Variants in RAB3GAP1 observed in about 807,000 individuals in gnomAD.
RAB3GAP1 encodes the protein RAB3 GTPase activating protein catalytic subunit 1, also known as rab3 GTPase-activating protein catalytic subunit.
Under a neutral mutation model 130.7 loss-of-function variants are expected in RAB3GAP1, and 86 were observed. That is an observed-to-expected ratio of 0.66 (90% CI 0.55 to 0.79). The LOEUF is 0.79. Among genes scored for constraint, RAB3GAP1 ranks in the 30% least tolerant of loss-of-function variants. The pLI, the probability that RAB3GAP1 is intolerant of heterozygous loss-of-function variation, is 0.00. For missense variants in RAB3GAP1, 1,029 were observed against 1,169.4 expected (o/e 0.88, Z 1.75); for synonymous variants, 367 against 401.7 (o/e 0.91, Z 1.03).
chr2:135,148,202 A>C (rs778911654), intron 17 of RAB3GAP1, among the ~76,000 whole-genome samples: 1 of 152,192 alleles, frequency 6.6e-6, no homozygotes, highest in Non-Finnish European at 1.5e-5. Context: ...GTGTACTTAT[A>C]TGAAATGGTT....
chr2:135,135,734 G>A lies in RAB3GAP1; in HGVS notation c.1725G>A (p.Trp575Ter). 6.2e-7 allele frequency: 1 copy of A among 1,613,930 alleles called. No homozygotes were observed. ...DKEKGEVGKS[W>*]DSWSDSEEEF... ...AAAAGGGAGAGGTAGGAAAATCTTGGGATTCCTGGAGTGACAGCGAAGAAG... is the reference window on the plus strand; with the variant it reads ...AAAAGGGAGAGGTAGGAAAATCTTGAGATTCCTGGAGTGACAGCGAAGAAG... Residue 575 changes from tryptophan to a stop codon, truncating the protein, a stop_gained, in exon 17 of 24, where the codon TGG becomes TGA. Coordinates refer to ENST00000264158, the MANE Select transcript of RAB3GAP1 (RefSeq NM_012233.3). LOFTEE classifies it high-confidence loss of function.
rs548753620 is a variant in RAB3GAP1 at position 135,143,667 on chromosome 2, C to T, written c.1924-6702C>T. Among the ~76,000 whole-genome samples, 24 of 150,734 alleles carry T rather than the reference C, an allele frequency of 1.6e-4. No homozygotes were observed. In the South Asian group the frequency reaches 4.8e-3, roughly 30 times the overall value. ...CCGCTTCCCAGGTTCATGCCATTGT[C>T]CTGCCTCAGCCTCCTGAGTAGCTGG... On this transcript the variant is annotated intron_variant, in intron 17 of 23. Transcript: ENST00000264158.
In RAB3GAP1 at chr2:135,165,754, G is replaced by A. The variant is rs540206314; in HGVS notation, c.2709+1058G>A. 1.4e-4 allele frequency among the ~76,000 whole-genome samples: 21 copies of A among 152,246 alleles called. No homozygotes were observed. The South Asian group carries it at 4.2e-3, about 30-fold the overall frequency. ...TCTCTCTGGCATGAAAACAAGAACC[G>A]AGTTTGGTTCCACATCTGATAATAT... On this transcript the variant is annotated intron_variant, in intron 23 of 23. Coordinates refer to ENST00000264158, the MANE Select transcript of RAB3GAP1 (RefSeq NM_012233.3).
chr2:135,096,408 G>A (rs1690292098), intron 5 of RAB3GAP1, among the ~76,000 whole-genome samples: 1 of 152,078 alleles, frequency 6.6e-6, no homozygotes, highest in Non-Finnish European at 1.5e-5. Flanking sequence ...TGCAAATGCA[G>A]GTAAACGGGA....
intron 3 of RAB3GAP1, among the ~76,000 whole-genome samples, chr2:135,060,694 T>C (rs532569465): frequency 4.7e-4 from 71 of 151,786 alleles, no homozygotes; most frequent in African/African-American, 1.7e-3. Context: ...TCATCTGCTA[T>C]TATTATTATT....
At chr2:135,115,064 G>A (rs962844991) in intron 6 of RAB3GAP1, 152 bp from the exon 7 acceptor site, 9 of 639,916 alleles carry the variant, frequency 1.4e-5, no homozygotes, top group African/African-American at 7.3e-5. Flanking sequence ...AACTAAGAAT[G>A]TCTTTGTTAT....
At position 135,057,945 on chromosome 2, in the gene RAB3GAP1, G is replaced by T. The variant is rs938226790; in HGVS notation, c.75-66G>T. 14 of 1,156,530 alleles carry T rather than the reference G, an allele frequency of 1.2e-5. No homozygotes were observed. The African/African-American group carries it at 1.5e-4, about 13-fold the overall frequency. The allele number at this position is 1,156,530 out of a possible 1,614,324, so 71.6% of individuals were successfully genotyped here. On this transcript the variant is annotated intron_variant, in intron 2 of 23. Coordinates refer to ENST00000264158, the MANE Select transcript of RAB3GAP1 (RefSeq NM_012233.3). ...AAAATATAAAAAATACCTTTTTAAA[G>T]AAATTACATAATAATAGGAAAAAAG... is the stretch of plus-strand genomic sequence containing the variant.
At chr2:135,113,620 C>G (rs1000520839) in intron 6 of RAB3GAP1, among the ~76,000 whole-genome samples, 2 of 152,210 alleles carry the variant, frequency 1.3e-5, no homozygotes, top group East Asian at 3.8e-4. Context: ...CAAGCTGTTT[C>G]TGTACCTTAC....
chr2:135,142,049 G>GA (rs1331630268), intron 17 of RAB3GAP1, among the ~76,000 whole-genome samples: 1 of 152,098 alleles, frequency 6.6e-6, no homozygotes, highest in Non-Finnish European at 1.5e-5. Flanking sequence ...ATCAATTTGA[G>GA]AATCAGCTTG....
chr2:135,068,281 A>G lies in RAB3GAP1; in HGVS notation c.150+10195A>G, dbSNP rs115774072. Among the ~76,000 whole-genome samples the G allele has an allele frequency of 2.2e-4, 34 of 152,204 alleles. 1 individual carries two copies. The highest frequency in any genetic ancestry group is 3.3e-4 in the Admixed American group (5 of 15,290). On this transcript the variant is annotated intron_variant, in intron 3 of 23. Coordinates refer to ENST00000264158, the MANE Select transcript of RAB3GAP1 (RefSeq NM_012233.3). ...TATCTTTTTAGACATTTTTAGTTCT[A>G]TTATTTCCTAATTCTTTTATATATT...
chr2:135,132,961 C>T lies in RAB3GAP1; in HGVS notation c.1303C>T (p.Pro435Ser). The T allele has an allele frequency of 6.4e-7, 1 of 1,568,990 alleles. No homozygotes were observed. The highest frequency in any genetic ancestry group is 1.1e-5 in the South Asian group (1 of 90,150). ...AACTACTTCAACAGATAATAATAAT[C>T]CTCCATCAGAGAGTGAAGACTATGT... Reference protein sequence around the residue: ...DGTTSTDNNNPPSESEDYNLY... With the variant: ...DGTTSTDNNNSPSESEDYNLY... The change falls in exon 14 of 24, where the codon CCT (proline) becomes TCT (serine). Residue 435 changes from proline (P) to serine (S), a missense_variant. Around this residue, in one of 3 missense-constraint regions of RAB3GAP1, gnomAD observed 510 missense variants for 532.1 expected, o/e 0.96. Transcript: ENST00000264158.
At chr2:135,121,803 A>T (rs1573570465) in intron 8 of RAB3GAP1, among the ~76,000 whole-genome samples, 2 of 152,292 alleles carry the variant, frequency 1.3e-5, no homozygotes, top group Middle Eastern at 6.8e-3. Flanking sequence ...AAAAATTAAT[A>T]TAATACAGGC....
chr2:135,079,339 C>T (rs1270040588), intron 3 of RAB3GAP1, among the ~76,000 whole-genome samples: 1 of 152,134 alleles, frequency 6.6e-6, no homozygotes, highest in East Asian at 1.9e-4. Flanking sequence ...CTTTCCCCTT[C>T]CTTACCTTCT....
At chr2:135,111,489 T>G (rs1472554472) in intron 5 of RAB3GAP1, among the ~76,000 whole-genome samples, 1 of 152,332 alleles carries the variant, frequency 6.6e-6, no homozygotes, top group East Asian at 1.9e-4. Context: ...ATGATAATTT[T>G]TTAACCCCTT....
chr2:135,084,499 A>G (rs543465639), intron 3 of RAB3GAP1, among the ~76,000 whole-genome samples: 2 of 152,102 alleles, frequency 1.3e-5, no homozygotes, highest in Non-Finnish European at 2.9e-5. Context: ...AAAGGATCCA[A>G]CTTTATTCTT....
chr2:135,082,843 G>C (rs1020670072), intron 3 of RAB3GAP1, among the ~76,000 whole-genome samples: 5 of 151,818 alleles, frequency 3.3e-5, no homozygotes, highest in African/African-American at 4.8e-5. Context: ...GGTATCCTTG[G>C]GGGGATTGGT....
chr2:135,065,351 G>C (rs967683147), intron 3 of RAB3GAP1, among the ~76,000 whole-genome samples: 1 of 152,146 alleles, frequency 6.6e-6, no homozygotes, highest in Non-Finnish European at 1.5e-5. Flanking sequence ...TTCCAGTTAG[G>C]TACGTGTGTA....
At chr2:135,172,590 T>C (rs189084825), downstream of RAB3GAP1, among the ~76,000 whole-genome samples, 48 of 152,266 alleles carry the variant, frequency 3.2e-4, no homozygotes, top group East Asian at 6.7e-3. Context: ...GATACAGATC[T>C]TGAAGGCAGA....
At chr2:135,074,054 G>C (rs1425346740) in intron 3 of RAB3GAP1, among the ~76,000 whole-genome samples, 1 of 152,172 alleles carries the variant, frequency 6.6e-6, no homozygotes, top group East Asian at 1.9e-4. Flanking sequence ...TGAACACTAG[G>C]TGAAAGACCC....
Sources: gnomAD v4.1 joint callset for allele counts (sites outside exome capture counted in the v4.1 genomes callset) on GRCh38, gnomAD v4.1.1 for gene constraint, gnomAD v4.1.1 regional missense constraint, MANE v1.5 for transcripts, NCBI Gene and HGNC (gene_info 2026-07-23, HGNC 2026-07-21) for gene names.